Variants in R3HDM1 observed in about 807,000 individuals in gnomAD.
R3HDM1 encodes the protein R3H domain-containing protein 1.
A neutral mutation model predicts 141.1 loss-of-function variants in R3HDM1; 46 were observed. The observed-to-expected ratio is 0.33, with a 90% CI of 0.26 to 0.42. The LOEUF is 0.42. Ranked by LOEUF, R3HDM1 falls within the 10% of genes least tolerant of loss-of-function variation. R3HDM1 has a pLI of 1.00. For synonymous variants in R3HDM1, 435 were observed against 472.9 expected, an observed-to-expected ratio of 0.92 and a Z score of 1.04; for missense variants, 1,184 against 1,368.3, an observed-to-expected ratio of 0.87 and a Z score of 2.12.
At chr2:135,539,688 T>C (rs897379395) in intron 1 of R3HDM1, among the ~76,000 whole-genome samples, 3 of 151,122 alleles carry the variant, frequency 2.0e-5, no homozygotes, top group Non-Finnish European at 1.5e-5. Context: ...TTTTATACAA[T>C]TCTGTAGTCT....
intron 3 of R3HDM1, among the ~76,000 whole-genome samples, chr2:135,612,156 T>C (rs1283682890): frequency 2.0e-5 from 3 of 152,222 alleles, no homozygotes; most frequent in African/African-American, 7.2e-5. Flanking sequence ...GTATTTTTCA[T>C]TTATTCCAGT....
intron 1 of R3HDM1, among the ~76,000 whole-genome samples, chr2:135,555,666 G>A (rs906256474): frequency 6.6e-6 from 1 of 152,172 alleles, no homozygotes; most frequent in Non-Finnish European, 1.5e-5. Flanking sequence ...CAACCCAAAT[G>A]TCCGTCAACT....
At chr2:135,568,233 A>G (rs982433763) in intron 1 of R3HDM1, among the ~76,000 whole-genome samples, 2 of 151,552 alleles carry the variant, frequency 1.3e-5, no homozygotes, top group Admixed American at 6.6e-5. Context: ...TTTTTTGTAG[A>G]TATGGAATTT....
At chr2:135,685,238 A>G (rs1041589069) in intron 21 of R3HDM1, among the ~76,000 whole-genome samples, 3 of 151,864 alleles carry the variant, frequency 2.0e-5, no homozygotes, top group African/African-American at 4.8e-5. Flanking sequence ...CCACTGGACC[A>G]TTTCCCACAC....
intron 1 of R3HDM1, among the ~76,000 whole-genome samples, chr2:135,574,661 G>C (rs1427677345): frequency 6.6e-6 from 1 of 152,124 alleles, no homozygotes; most frequent in African/African-American, 2.4e-5. Context: ...TGCAGGGCTG[G>C]CTTAATGTTA....
intron 1 of R3HDM1, among the ~76,000 whole-genome samples, chr2:135,570,711 G>T (rs1018354415): frequency 4.6e-5 from 7 of 152,226 alleles, no homozygotes; most frequent in African/African-American, 1.2e-4. Context: ...AGACTTCGTT[G>T]TAGAGATTAT....
intron 3 of R3HDM1, among the ~76,000 whole-genome samples, chr2:135,611,455 G>C (rs2060543702): frequency 6.6e-6 from 1 of 152,112 alleles, no homozygotes; most frequent in South Asian, 2.1e-4. Context: ...GCAAATGGTA[G>C]GTGCTATTAA....
Position 135,661,304 on chromosome 2 carries a change from A to G in R3HDM1, c.2063A>G (p.His688Arg). 1 of 1,614,000 alleles carries G rather than the reference A, an allele frequency of 6.2e-7. No homozygotes were observed. The highest frequency in any genetic ancestry group is 8.5e-7 in the Non-Finnish European group (1 of 1,179,910). The change falls in exon 19 of 27, where the codon CAC becomes CGC. Residue 688 changes from histidine to arginine, a missense_variant. His to Arg is a conservative substitution (Grantham distance 29). Around this residue, in one of 5 missense-constraint regions of R3HDM1, gnomAD observed 563 missense variants for 562.0 expected, o/e 1.00. Transcript: ENST00000683871. ...TGTTATTGCGCTCCAGGCCACTATCACTCCAGCCAACCTCAGTATCGCCCA... is the reference window on the plus strand; with the variant it reads ...TGTTATTGCGCTCCAGGCCACTATCGCTCCAGCCAACCTCAGTATCGCCCA... ...PACYCAPGHY[H>R]SSQPQYRPVP...
chr2:135,683,533 A>T (rs2070714524), intron 21 of R3HDM1, among the ~76,000 whole-genome samples: 1 of 147,878 alleles, frequency 6.8e-6, no homozygotes, highest in Non-Finnish European at 1.5e-5. Context: ...CAGCCTGGGC[A>T]GCAGAGTAAG....
chr2:135,678,993 A>G (rs2069728518), intron 20 of R3HDM1, among the ~76,000 whole-genome samples: 1 of 150,282 alleles, frequency 6.7e-6, no homozygotes. Context: ...TCCAGAGCTC[A>G]GGCAATCTGC....
Position 135,616,715 on chromosome 2 carries a change from A to AT in R3HDM1, c.262dup (p.Ser88PhefsTer26). ...TTCGGAGCCTTGCAGTGTGTGAAGA[A>AT]TCTCCACCACCCCCTGCACCAGAGA... On this transcript the variant is annotated frameshift_variant, in exon 5 of 27. Coordinates refer to ENST00000683871, the MANE Select transcript of R3HDM1 (RefSeq NM_001378107.1). LOFTEE classifies it high-confidence loss of function. 6.2e-7 allele frequency: 1 copy of AT among 1,610,086 alleles called. No individual in the cohort carries two copies. The highest frequency in any genetic ancestry group is 8.5e-7 in the Non-Finnish European group (1 of 1,177,638).
chr2:135,724,840 A>G lies in R3HDM1; in HGVS notation c.*548A>G, dbSNP rs2077018995. ...TAAACTCAGAAACAATTACCAAAAA[A>G]TACATAACTCTTCCTTGTAGGGCCC... On this transcript the variant is annotated 3_prime_UTR_variant, in exon 27 of 27. Transcript: ENST00000683871. 1 of 152,702 alleles carries G rather than the reference A, an allele frequency of 6.5e-6. No homozygotes were observed. The highest frequency in any genetic ancestry group is 2.1e-4 in the South Asian group (1 of 4,830). The allele number at this position is 152,702 out of a possible 1,614,324, so 9.5% of individuals were successfully genotyped here.
intron 19 of R3HDM1, chr2:135,667,865 G>A (rs2067768980): frequency 1.8e-5 from 12 of 661,246 alleles, no homozygotes; most frequent in Non-Finnish European, 2.2e-5. Context: ...ATTAGACAAG[G>A]AACCTAACCT....
At chr2:135,631,816 A>AC (rs748172523) in intron 8 of R3HDM1, 39 bp downstream of exon 8, 20 of 1,578,338 alleles carry the variant, frequency 1.3e-5, no homozygotes, top group African/African-American at 1.4e-5. Context: ...AATTGTCATC[A>AC]CCATTCTCCT....
chr2:135,596,333 C>T (rs1044695580), intron 1 of R3HDM1, among the ~76,000 whole-genome samples: 1 of 152,130 alleles, frequency 6.6e-6, no homozygotes, highest in Non-Finnish European at 1.5e-5. Context: ...TCAAATATAT[C>T]CACATTTTTT....
chr2:135,647,778 A>G (rs1469207494), intron 16 of R3HDM1, among the ~76,000 whole-genome samples: 1 of 152,236 alleles, frequency 6.6e-6, no homozygotes, highest in Non-Finnish European at 1.5e-5. Flanking sequence ...TCTTAGACCT[A>G]ACGTAAAACC....
Position 135,661,291 on chromosome 2 carries a change from C to T in R3HDM1, c.2050C>T (p.Pro684Ser). 1 of 1,614,046 alleles carries T rather than the reference C, an allele frequency of 6.2e-7. No homozygotes were observed. The highest frequency in any genetic ancestry group is 8.5e-7 in the Non-Finnish European group (1 of 1,179,952). ...CTAGATGCCAGCCTGTTATTGCGCT[C>T]CAGGCCACTATCACTCCAGCCAACC... ...SPQMPACYCA[P>S]GHYHSSQPQY... The change falls in exon 19 of 27, where the codon CCA becomes TCA. Residue 684 changes from proline (P) to serine (S), a missense_variant. By Grantham distance (74) the Pro-to-Ser change is moderately conservative. Transcript: ENST00000683871.
intron 1 of R3HDM1, among the ~76,000 whole-genome samples, chr2:135,580,389 C>T (rs953186031): frequency 6.6e-6 from 1 of 152,172 alleles, no homozygotes; most frequent in African/African-American, 2.4e-5. Flanking sequence ...ACTATTTGAA[C>T]TAAGACTGAA....
chr2:135,546,068 G>C (rs1698637720), intron 1 of R3HDM1, among the ~76,000 whole-genome samples: 2 of 152,212 alleles, frequency 1.3e-5, no homozygotes, highest in Admixed American at 1.3e-4. Flanking sequence ...GCAAGTGCCT[G>C]TGGGTATCTG....
Sources: gnomAD v4.1 joint callset for allele counts (sites outside exome capture counted in the v4.1 genomes callset) on GRCh38, gnomAD v4.1.1 for gene constraint, gnomAD v4.1.1 regional missense constraint, MANE v1.5 for transcripts, NCBI Gene and HGNC (gene_info 2026-07-23, HGNC 2026-07-21) for gene names.